BIK: variants seen among roughly 807,000 people sequenced by gnomAD.
BIK encodes bcl-2-interacting killer.
Under a neutral mutation model 12.1 loss-of-function variants are expected in BIK, and 14 were observed. The observed-to-expected ratio is 1.16, with a 90% confidence interval of 0.77 to 1.81. The LOEUF (loss-of-function observed/expected upper bound fraction) is 1.81. Among genes scored for constraint, BIK ranks in the 40% most tolerant of loss-of-function variants. BIK has a pLI of 0.00. For missense variants in BIK, 215 were observed against 207.9 expected, an observed-to-expected ratio of 1.03 and a Z score of -0.21; for synonymous variants, 86 against 92.3, an observed-to-expected ratio of 0.93 and a Z score of 0.39.
At chr22:43,124,339 G>A (rs1238892288) in intron 2 of BIK, among the ~76,000 whole-genome samples, 156 bp downstream of exon 2, 1 of 152,098 alleles carries the variant, frequency 6.6e-6, no homozygotes, top group East Asian at 1.9e-4. Flanking sequence ...GGAGGCTTCT[G>A]CCCTGGGAGC....
At chr22:43,114,165 A>G (rs912674961) in intron 1 of BIK, among the ~76,000 whole-genome samples, 4 of 152,226 alleles carry the variant, frequency 2.6e-5, no homozygotes, top group Non-Finnish European at 5.9e-5. Flanking sequence ...ACTGCATGGT[A>G]AACCTGTTTT....
intron 2 of BIK, among the ~76,000 whole-genome samples, chr22:43,125,918 T>C (rs1601732984): frequency 6.6e-6 from 1 of 152,038 alleles, no homozygotes; most frequent in Non-Finnish European, 1.5e-5. Flanking sequence ...CAAGGTCCAG[T>C]AGGACCTGAC....
intron 2 of BIK, among the ~76,000 whole-genome samples, chr22:43,125,431 C>T (rs1342217637): frequency 2.0e-5 from 3 of 152,096 alleles, no homozygotes; most frequent in East Asian, 1.9e-4. Context: ...CCGGGCCGGG[C>T]GCCGTGGCTC....
At chr22:43,116,056 C>G (rs1026669435) in intron 1 of BIK, among the ~76,000 whole-genome samples, 3 of 152,068 alleles carry the variant, frequency 2.0e-5, no homozygotes, top group African/African-American at 7.2e-5. Context: ...GCGCCCCGGC[C>G]CAGAACTTGT....
At chr22:43,128,759 C>T in intron 4 of BIK, 134 bp downstream of exon 4, 2 of 1,314,702 alleles carry the variant, frequency 1.5e-6, no homozygotes, top group Non-Finnish European at 1.0e-6. Context: ...TCTGCCTGAT[C>T]CCATGGGCTT....
rs143264604 is a variant in BIK at position 43,128,553 on chromosome 22, T to A, written c.318T>A (p.Ser106Arg). ...QTEDIRDVLR[S>R]FMDGFTTLKE... Reference sequence around the variant, plus strand: ...AGGACATCAGGGATGTTCTTAGAAGTTTCATGGACGGTTTCACCACACTTA... The same window carrying A: ...AGGACATCAGGGATGTTCTTAGAAGATTCATGGACGGTTTCACCACACTTA... Residue 106 changes from serine to arginine, a missense_variant, in exon 4 of 5, where the codon AGT becomes AGA. Coordinates refer to ENST00000216115, the MANE Select transcript of BIK (RefSeq NM_001197.5). 3.7e-6 allele frequency: 6 copies of A among 1,613,844 alleles called. No individual in the cohort carries two copies. In the East Asian group the frequency reaches 1.1e-4, roughly 30 times the overall value.
intron 2 of BIK, among the ~76,000 whole-genome samples, chr22:43,126,508 C>T (rs1434634208): frequency 6.6e-6 from 1 of 152,140 alleles, no homozygotes; most frequent in Admixed American, 6.6e-5. Context: ...TTTCATTCTT[C>T]CCCTGGTACA....
intron 1 of BIK, among the ~76,000 whole-genome samples, chr22:43,121,973 C>T (rs965285673): frequency 5.3e-5 from 8 of 152,332 alleles, no homozygotes; most frequent in South Asian, 2.1e-4. Flanking sequence ...TCAGGTGATC[C>T]GCCTGTCTCA....
chr22:43,126,358 T>C (rs1249390559), intron 2 of BIK, among the ~76,000 whole-genome samples: 2 of 152,094 alleles, frequency 1.3e-5, no homozygotes, highest in Non-Finnish European at 2.9e-5. Flanking sequence ...GCTAATTTTT[T>C]GTATTTTCAG....
At chr22:43,114,665 C>T (rs1384932311) in intron 1 of BIK, among the ~76,000 whole-genome samples, 1 of 152,140 alleles carries the variant, frequency 6.6e-6, no homozygotes, top group Non-Finnish European at 1.5e-5. Flanking sequence ...CATGTGAGGG[C>T]AAAGAGAGCT....
chr22:43,114,334 G>T (rs1930068536), intron 1 of BIK, among the ~76,000 whole-genome samples: 1 of 152,186 alleles, frequency 6.6e-6, no homozygotes, highest in East Asian at 1.9e-4. Context: ...ATGGAGTCTT[G>T]CTCTGTTGCC....
chr22:43,111,450 C>A (rs935234841), intron 1 of BIK, among the ~76,000 whole-genome samples: 8 of 152,166 alleles, frequency 5.3e-5, no homozygotes, highest in African/African-American at 1.4e-4. Flanking sequence ...GGGACTAGAG[C>A]CCGGCTGGGG....
chr22:43,118,640 G>A (rs1317799935), intron 1 of BIK, among the ~76,000 whole-genome samples: 2 of 152,166 alleles, frequency 1.3e-5, no homozygotes, highest in African/African-American at 2.4e-5. Flanking sequence ...ACTGGACCAG[G>A]GTTTTCTAGC....
rs948309208 is a variant in BIK, at chr22:43,127,643, G to A, written c.162-54G>A. The A allele has an allele frequency of 3.4e-6, 5 of 1,478,000 alleles. No homozygotes were observed. The Admixed American group carries it at 8.0e-5, about 24-fold the overall frequency. The allele number at this position is 1,478,000 out of a possible 1,614,324, so 91.6% of individuals were successfully genotyped here. On this transcript the variant is annotated intron_variant, in intron 2 of 4. Transcript: ENST00000216115. ...ATCCGTTGGCTGGGTGGGTCCAGGTGCATGTGGCCTCCACGGCACAGCCAC... is the reference window on the plus strand; with the variant it reads ...ATCCGTTGGCTGGGTGGGTCCAGGTACATGTGGCCTCCACGGCACAGCCAC...
At chr22:43,123,953 T>G in intron 1 of BIK, 63 bp from the exon 2 acceptor site, 15 of 1,550,120 alleles carry the variant, frequency 9.7e-6, no homozygotes, top group Non-Finnish European at 1.2e-5. Context: ...GGTCATCCTG[T>G]GAGAGAGCCC....
At chr22:43,123,962 C>T in intron 1 of BIK, 54 bp from the exon 2 acceptor site, 1 of 1,586,294 alleles carries the variant, frequency 6.3e-7, no homozygotes, top group Non-Finnish European at 8.6e-7. Context: ...GTGAGAGAGC[C>T]CCCAGACTGC....
intron 2 of BIK, among the ~76,000 whole-genome samples, chr22:43,126,547 C>G (rs971236594): frequency 2.0e-5 from 3 of 152,134 alleles, no homozygotes; most frequent in Non-Finnish European, 1.5e-5. Context: ...CCAGGAGCAG[C>G]TGACCTCAGT....
intron 2 of BIK, among the ~76,000 whole-genome samples, chr22:43,125,134 A>T (rs917472775): frequency 2.6e-5 from 4 of 152,104 alleles, no homozygotes; most frequent in Non-Finnish European, 1.5e-5. Flanking sequence ...CCAACATGCT[A>T]ATATAGTTGG....
chr22:43,124,293 G>A, intron 2 of BIK, 110 bp downstream of exon 2: 1 of 1,308,600 alleles, frequency 7.6e-7, no homozygotes, highest in Admixed American at 2.2e-5. Context: ...CTCCCAGGCA[G>A]GGCCTCCGAG....
Sources: allele counts gnomAD v4.1 joint callset (sites outside exome capture counted in the v4.1 genomes callset), GRCh38; gene constraint gnomAD v4.1.1; transcripts MANE v1.5; gene names NCBI Gene and HGNC (gene_info 2026-07-23, HGNC 2026-07-21).